The following NUP160 variants were observed in gnomAD, a reference collection of about 807,000 sequenced individuals.
The protein encoded by NUP160 is nuclear pore complex protein Nup160.
Under a neutral mutation model 196.9 loss-of-function variants are expected in NUP160, and 94 were observed. The ratio of observed to expected loss-of-function variants is 0.48; its 90% CI spans 0.40 to 0.57. NUP160 has a LOEUF of 0.57. NUP160 is among the 20% of genes least tolerant of loss of function. The pLI is 0.00. For synonymous variants in NUP160, 605 were observed against 619.7 expected, an observed-to-expected ratio of 0.98 and a Z score of 0.35; for missense variants, 1,638 against 1,748.3, an observed-to-expected ratio of 0.94 and a Z score of 1.13.
At chr11:47,846,184 G>A (rs1852400249) in intron 2 of NUP160, among the ~76,000 whole-genome samples, 1 of 149,190 alleles carries the variant, frequency 6.7e-6, no homozygotes. Flanking sequence ...TTTTTTTGTA[G>A]AAATGGGGTC....
chr11:47,782,261 C>T (rs1473439654), intron 34 of NUP160, among the ~76,000 whole-genome samples: 1 of 137,124 alleles, frequency 7.3e-6, no homozygotes, highest in South Asian at 2.3e-4. Context: ...CACTGCACTC[C>T]AGCTTGGGCA....
intron 2 of NUP160, among the ~76,000 whole-genome samples, chr11:47,843,710 C>T (rs1244269007): frequency 2.6e-5 from 4 of 152,324 alleles, no homozygotes; most frequent in East Asian, 3.9e-4. Context: ...GCATACAGGA[C>T]AGCCTTCCAC....
chr11:47,791,478 TACAGGTGAGGGCC>T (rs2097667865), intron 29 of NUP160, among the ~76,000 whole-genome samples: 1 of 152,188 alleles, frequency 6.6e-6, no homozygotes, highest in Non-Finnish European at 1.5e-5. Flanking sequence ...TAGCTGGGAT[TACAGGTGAGGGCC>T]ACTACTGCCC....
At chr11:47,846,448 G>T (rs1456391018) in intron 2 of NUP160, among the ~76,000 whole-genome samples, 1 of 151,976 alleles carries the variant, frequency 6.6e-6, no homozygotes, top group East Asian at 1.9e-4. Flanking sequence ...CATCTTCCGG[G>T]TATCTCTGTA....
intron 7 of NUP160, chr11:47,826,970 T>TA: frequency 2.3e-6 from 1 of 444,408 alleles, no homozygotes; most frequent in South Asian, 1.6e-5. Flanking sequence ...TGTCTTAACA[T>TA]AAATCAAGGC....
chr11:47,783,000 T>G, intron 34 of NUP160, 73 bp downstream of exon 34: 1 of 1,305,448 alleles, frequency 7.7e-7, no homozygotes, highest in Non-Finnish European at 1.1e-6. Context: ...TGTTCATCAC[T>G]TTCAAACCAC....
chr11:47,827,521 G>A (rs967954300), intron 7 of NUP160, among the ~76,000 whole-genome samples: 5 of 151,980 alleles, frequency 3.3e-5, no homozygotes, highest in Admixed American at 6.6e-5. Context: ...GGCCAACATG[G>A]TGAAACCTCT....
exon 30 of NUP160, chr11:47,788,520 T>A: frequency 1.2e-6 from 2 of 1,613,854 alleles, no homozygotes; most frequent in Non-Finnish European, 1.7e-6. Flanking sequence ...CAACCGCTGA[T>A]GGATCATGCT....
chr11:47,832,542 T>C (rs1372053374), intron 7 of NUP160, among the ~76,000 whole-genome samples: 13 of 152,242 alleles, frequency 8.5e-5, no homozygotes. Context: ...TGAGCAACTC[T>C]TCTGTGGCCC....
At position 47,812,828 on chromosome 11, in the gene NUP160, G is replaced by A. The variant is rs536005621; in HGVS notation, c.1952+54C>T. ...CATACATTAAAATTCCAACTTTGGCGCTAAAAATGCTGAATTTCCATTAGG... is the reference window on the plus strand; with the variant it reads ...CATACATTAAAATTCCAACTTTGGCACTAAAAATGCTGAATTTCCATTAGG... On this transcript the variant is annotated intron_variant, in intron 15 of 35. Transcript: ENST00000378460. 16 of 1,486,482 alleles carry A rather than the reference G, an allele frequency of 1.1e-5. No individual in the cohort carries two copies. In the South Asian group the frequency reaches 1.1e-4, roughly 10 times the overall value. The allele number at this position is 1,486,482 out of a possible 1,614,324, so 92.1% of individuals were successfully genotyped here.
intron 22 of NUP160, 23 bp from the exon 23 acceptor site, chr11:47,801,953 G>T (rs2097674415): frequency 1.2e-6 from 2 of 1,611,700 alleles, no homozygotes; most frequent in Non-Finnish European, 8.5e-7. Flanking sequence ...AATATAAAAT[G>T]ACTTGTAACA....
At chr11:47,815,649 G>A (rs755128190) in exon 13 of NUP160, 2 of 1,577,896 alleles carry the variant, frequency 1.3e-6, no homozygotes, top group South Asian at 2.4e-5. Context: ...CTTCCTTGAA[G>A]CTGGCAAAGA....
In NUP160 at chr11:47,839,822, A is replaced by G. The variant is rs1422176563; in HGVS notation, c.748+21T>C. 4 of 1,576,290 alleles carry G rather than the reference A, an allele frequency of 2.5e-6. No homozygotes were observed. In the South Asian group the frequency reaches 3.3e-5, roughly 13 times the overall value. The stretch of plus-strand genomic sequence containing the variant: ...ACATTCCTTGTTTAAAGTTAAATCC[A>G]TGCTCAGTTCCCATTCTTACCAGGT... On this transcript the variant is annotated intron_variant, in intron 4 of 35. Coordinates refer to ENST00000378460, the Ensembl canonical transcript of NUP160.
intron 7 of NUP160, chr11:47,827,264 T>C: frequency 2.5e-6 from 1 of 402,262 alleles, no homozygotes; most frequent in Non-Finnish European, 5.0e-6. Context: ...CCTGGGAGGC[T>C]GAGGTGGGAG....
Position 47,825,302 on chromosome 11 carries a change from G to A in NUP160, c.1102-3138C>T, listed in dbSNP as rs148126868. On this transcript the variant is annotated intron_variant, in intron 7 of 35. Transcript: ENST00000378460. The stretch of plus-strand genomic sequence containing the variant: ...CTTTTTAAATAACTTTTTTTTTTTG[G>A]AGACGAGTCTCGCTCTATTGCCTAG... 9.6e-3 allele frequency among the ~76,000 whole-genome samples: 1,451 copies of A among 150,380 alleles called. 20 individuals carry two copies. Among genetic ancestry groups the A allele is most frequent in the Middle Eastern group, 0.062 (18 of 292 alleles).
chr11:47,807,815 C>T (rs1565195848), intron 18 of NUP160, among the ~76,000 whole-genome samples: 1 of 149,874 alleles, frequency 6.7e-6, no homozygotes, highest in Non-Finnish European at 1.5e-5. Context: ...TATATGTACA[C>T]ACAAACGTGT....
chr11:47,835,711 A>C, exon 7 of NUP160: 1 of 1,606,216 alleles, frequency 6.2e-7, no homozygotes, highest in African/African-American at 1.3e-5. Context: ...TGGGGGAATA[A>C]GCAAGCCGTA....
At chr11:47,823,538 T>A (rs375231841) in intron 7 of NUP160, among the ~76,000 whole-genome samples, 4 of 152,080 alleles carry the variant, frequency 2.6e-5, no homozygotes, top group African/African-American at 9.6e-5. Flanking sequence ...TTTCCTTCCT[T>A]TTTTCTTTTT....
Position 47,819,477 on chromosome 11 carries a change from AC to A in NUP160, c.1278-20del. Reference sequence around the variant, plus strand: ...AACATTACTAGAGACAAAAAAGTCCACCAGTTTATACAGAAATGATCACTAA... The same window carrying A: ...AACATTACTAGAGACAAAAAAGTCCACAGTTTATACAGAAATGATCACTAA... On this transcript the variant is annotated intron_variant, in intron 9 of 35. Coordinates refer to ENST00000378460, the Ensembl canonical transcript of NUP160. 1 of 1,543,814 alleles carries A rather than the reference AC, an allele frequency of 6.5e-7. No individual in the cohort carries two copies. The highest frequency in any genetic ancestry group is 9.0e-7 in the Non-Finnish European group (1 of 1,116,004).
Sources: gnomAD v4.1 joint callset for allele counts (sites outside exome capture counted in the v4.1 genomes callset) on GRCh38, gnomAD v4.1.1 for gene constraint, MANE v1.5 for transcripts, NCBI Gene and HGNC (gene_info 2026-07-23, HGNC 2026-07-21) for gene names.